NAV2: variants seen among roughly 807,000 people sequenced by gnomAD.
The protein encoded by NAV2 is neuron navigator 2.
A neutral mutation model predicts 223.2 loss-of-function variants in NAV2; 54 were observed. The observed-to-expected ratio is 0.24, with a 90% CI of 0.19 to 0.30. The LOEUF (loss-of-function observed/expected upper bound fraction) is 0.30, where lower values mean the gene tolerates loss of function less well. Ranked by LOEUF, NAV2 falls within the 10% of genes least tolerant of loss-of-function variation. The probability of loss-of-function intolerance (pLI) is 1.00; values close to 1 mark genes in which losing one functional copy is unlikely to be tolerated. For synonymous variants in NAV2, 1,279 were observed against 1,239.3 expected (o/e 1.03, Z -0.67); for missense variants, 2,806 against 3,147.5 (o/e 0.89, Z 2.60).
chr11:20,038,336 T>G (rs181326677), intron 12 of NAV2, among the ~76,000 whole-genome samples: 28 of 152,310 alleles, frequency 1.8e-4, no homozygotes, highest in Non-Finnish European at 2.8e-4. Context: ...GGTAGGTTTT[T>G]TTTCCTATAA....
In NAV2 at chr11:19,437,589, C is replaced by T. The variant is rs575586113; in HGVS notation, c.75+86562C>T. 3.3e-4 allele frequency among the ~76,000 whole-genome samples: 50 copies of T among 152,166 alleles called. No individual in the cohort carries two copies. The South Asian group carries it at 8.7e-3, about 26-fold the overall frequency. On this transcript the variant is annotated intron_variant, in intron 1 of 37. Coordinates refer to the NAV2 transcript ENST00000360655. ...CCTTTGGCTGAATTCCTTCTTTAGG[C>T]AGTTAAAGCTCACAAATGGGTCAAA...
At chr11:19,407,292 A>G (rs952661559) in intron 1 of NAV2, among the ~76,000 whole-genome samples, 2 of 152,196 alleles carry the variant, frequency 1.3e-5, no homozygotes, top group Non-Finnish European at 2.9e-5. Flanking sequence ...GGCATCAGCA[A>G]CACAGCTAAA....
chr11:20,100,844 AT>A, intron 31 of NAV2, 92 bp from the exon 32 acceptor site: 3 of 1,034,842 alleles, frequency 2.9e-6, no homozygotes, highest in Non-Finnish European at 3.0e-6. Context: ...GAGGAGAGGA[AT>A]CACCTCAGGT....
chr11:19,621,742 T>G (rs886868650), intron 1 of NAV2, among the ~76,000 whole-genome samples: 1 of 152,204 alleles, frequency 6.6e-6, no homozygotes, highest in Non-Finnish European at 1.5e-5. Flanking sequence ...GTGTTTTTTT[T>G]GTCTCTATCT....
At chr11:19,857,174 A>T (rs1266461993) in intron 3 of NAV2, among the ~76,000 whole-genome samples, 3 of 152,142 alleles carry the variant, frequency 2.0e-5, no homozygotes, top group Admixed American at 6.5e-5. Context: ...AGACATATCT[A>T]CTCCTGAATT....
chr11:19,680,704 A>G (rs550624582), intron 1 of NAV2, among the ~76,000 whole-genome samples: 4 of 152,348 alleles, frequency 2.6e-5, no homozygotes, highest in East Asian at 3.9e-4. Context: ...TAATGCCTAT[A>G]TAAGAGGGTT....
chr11:20,114,278 A>G (rs1390550095), intron 36 of NAV2: 2 of 393,316 alleles, frequency 5.1e-6, no homozygotes, highest in Non-Finnish European at 9.3e-6. Context: ...CCCAAAAGCC[A>G]GTTTTTCAAA....
At chr11:19,387,217 C>A (rs1393517634) in intron 1 of NAV2, among the ~76,000 whole-genome samples, 1 of 152,130 alleles carries the variant, frequency 6.6e-6, no homozygotes, top group Non-Finnish European at 1.5e-5. Context: ...AGGTTTTAAG[C>A]CTCTGTGATC....
intron 1 of NAV2, among the ~76,000 whole-genome samples, chr11:19,810,855 T>C (rs2058802132): frequency 6.6e-6 from 1 of 152,228 alleles, no homozygotes; most frequent in Admixed American, 6.5e-5. Context: ...CACAATGCCA[T>C]ATATTTCTCC....
At chr11:20,000,704 A>T (rs1175672813) in intron 11 of NAV2, among the ~76,000 whole-genome samples, 1 of 152,148 alleles carries the variant, frequency 6.6e-6, no homozygotes, top group African/African-American at 2.4e-5. Flanking sequence ...GCTTCTGTAC[A>T]CAAGCAGCAC....
At chr11:19,820,464 G>T (rs2059310795) in intron 1 of NAV2, among the ~76,000 whole-genome samples, 1 of 152,192 alleles carries the variant, frequency 6.6e-6, no homozygotes, top group Non-Finnish European at 1.5e-5. Flanking sequence ...GGAGAGAGTG[G>T]GAGGAAGTGC....
At chr11:19,565,517 G>A (rs16936992) in intron 1 of NAV2, among the ~76,000 whole-genome samples, 5,805 of 152,208 alleles carry the variant, frequency 0.038, 368 homozygotes, top group African/African-American at 0.13. Flanking sequence ...TCTGCTCCCA[G>A]GAACCCAGGA....
At chr11:19,991,946 G>T (rs1402352166) in intron 11 of NAV2, among the ~76,000 whole-genome samples, 1 of 151,840 alleles carries the variant, frequency 6.6e-6, no homozygotes, top group African/African-American at 2.4e-5. Flanking sequence ...CCTTTTGTCT[G>T]CCTTATAACT....
chr11:19,708,877 T>C (rs1343310737), upstream of NAV2, among the ~76,000 whole-genome samples: 1 of 145,908 alleles, frequency 6.9e-6, no homozygotes, highest in Non-Finnish European at 1.5e-5. Context: ...CAACTTGGCA[T>C]ACTTGTCCAT....
intron 1 of NAV2, among the ~76,000 whole-genome samples, chr11:19,725,999 T>C (rs2051204771): frequency 6.6e-6 from 1 of 152,222 alleles, no homozygotes; most frequent in South Asian, 2.1e-4. Context: ...TGGTGGCTTC[T>C]AATCGACCTC....
At chr11:19,953,828 T>C (rs2047591890) in intron 10 of NAV2, among the ~76,000 whole-genome samples, 1 of 151,240 alleles carries the variant, frequency 6.6e-6, no homozygotes, top group African/African-American at 2.4e-5. Flanking sequence ...GGCAAGAATC[T>C]GAGATGCACA....
chr11:19,889,121 A>G (rs953854868), intron 5 of NAV2, among the ~76,000 whole-genome samples: 48 of 152,286 alleles, frequency 3.2e-4, no homozygotes, highest in African/African-American at 1.1e-3. Context: ...GAACCCCAGT[A>G]CTTAAAAGTT....
In NAV2 at chr11:19,933,549, C is replaced by T; in HGVS notation, c.1305C>T (p.Ser435=). The change falls in exon 7 of 38, where the codon AGC becomes AGT. Residue 435 remains serine (S), a synonymous_variant. Transcript: ENST00000349880. This position sits in a 1 kb window ranked among gnomAD's most constrained non-coding sequence, Gnocchi z 4.3. ...TSCERLETLP[S]FEESEELEAA... ...GTGAGCGGCTGGAGACTCTGCCCAG[C>T]TTCGAAGAGAGCGAGGAGCTGGAGG... The T allele has an allele frequency of 6.2e-7, 1 of 1,609,384 alleles. No individual in the cohort carries two copies. The highest frequency in any genetic ancestry group is 8.5e-7 in the Non-Finnish European group (1 of 1,177,582).
At chr11:19,482,891 T>C (rs1315795196) in intron 1 of NAV2, among the ~76,000 whole-genome samples, 1 of 152,152 alleles carries the variant, frequency 6.6e-6, no homozygotes, top group Non-Finnish European at 1.5e-5. Flanking sequence ...TGCATATGTG[T>C]ATATGTGCAT....
Sources: gnomAD v4.1 joint callset for allele counts (sites outside exome capture counted in the v4.1 genomes callset) on GRCh38, gnomAD v4.1.1 for gene constraint, Gnocchi (gnomAD v3.1) non-coding constraint, MANE v1.5 for transcripts, NCBI Gene and HGNC (gene_info 2026-07-23, HGNC 2026-07-21) for gene names.